Variants in MRTFB observed in about 807,000 individuals in gnomAD.
MRTFB encodes myocardin related transcription factor B, also known as myocardin-related transcription factor B.
Under a neutral mutation model 104.2 loss-of-function variants are expected in MRTFB, and 29 were observed. The ratio of observed to expected loss-of-function variants is 0.28; its 90% CI spans 0.21 to 0.38. The LOEUF (loss-of-function observed/expected upper bound fraction) is 0.38, where lower values mean the gene tolerates loss of function less well. Among genes scored for constraint, MRTFB ranks in the 10% least tolerant of loss-of-function variants. MRTFB has a pLI of 1.00. For synonymous variants in MRTFB, 535 were observed against 519.5 expected (o/e 1.03, Z -0.41); for missense variants, 1,270 against 1,341.6 (o/e 0.95, Z 0.83).
intron 2 of MRTFB, among the ~76,000 whole-genome samples, chr16:14,123,894 C>G (rs2036975051): frequency 6.6e-6 from 1 of 152,198 alleles, no homozygotes. Context: ...TTCTTCCTAT[C>G]CATGAGCATG....
chr16:14,058,424 TCTTCCTCATGAGCCGGGCAATGTACC>T, the MRTFB span, among the ~76,000 whole-genome samples: 622 of 129,474 alleles, frequency 4.8e-3, 1 homozygote, highest in South Asian at 8.8e-3. Context: ...TTAGTCCAAT[TCTTCCTCATGAGCCGGGCAATGTACC>T]CAAGTTTGTT....
intron 3 of MRTFB, among the ~76,000 whole-genome samples, chr16:14,194,844 G>C (rs1302695955): frequency 1.3e-5 from 2 of 151,958 alleles, no homozygotes; most frequent in East Asian, 3.8e-4. Flanking sequence ...GCCATGTAGG[G>C]TTGTTATGAG....
intron 3 of MRTFB, among the ~76,000 whole-genome samples, chr16:14,161,427 G>A (rs1202329035): frequency 7.2e-5 from 11 of 152,078 alleles, no homozygotes; most frequent in African/African-American, 2.7e-4. Flanking sequence ...ATGTCCTGTG[G>A]AAAGAAATTC....
chr16:14,206,620 C>T (rs1252014069), intron 3 of MRTFB, among the ~76,000 whole-genome samples: 4 of 152,186 alleles, frequency 2.6e-5, no homozygotes, highest in African/African-American at 9.7e-5. Context: ...TGCAATGGCA[C>T]GATCTCGGCT....
intron 3 of MRTFB, among the ~76,000 whole-genome samples, chr16:14,145,836 A>G (rs550895725): frequency 4.2e-4 from 64 of 152,366 alleles, no homozygotes; most frequent in Non-Finnish European, 7.8e-4. Context: ...AGTCAAAGGA[A>G]TAGGACGTTA....
intron 3 of MRTFB, among the ~76,000 whole-genome samples, chr16:14,206,568 TTTG>T (rs926110872): frequency 2.6e-5 from 4 of 152,220 alleles, no homozygotes; most frequent in African/African-American, 9.7e-5. Context: ...ATTGTGTGTT[TTTG>T]TTTTGAGACA....
rs142431265 is a variant in MRTFB at position 14,247,704 on chromosome 16, G to A, written c.2247+197G>A. On this transcript the variant is annotated intron_variant, in intron 12 of 16. Coordinates refer to ENST00000571589, the MANE Select transcript of MRTFB (RefSeq NM_001308142.2). ...TTTTTATATAGTGAAAAAAACACAG[G>A]ATGCTTTTCTAGTCCTGTTACCTTT... 1.1e-3 allele frequency: 633 copies of A among 591,634 alleles called. 3 individuals are homozygous for A. Among genetic ancestry groups the A allele is most frequent in the African/African-American group, 1.0e-2 (539 of 53,950 alleles). The allele number at this position is 591,634 out of a possible 1,614,324, so 36.6% of individuals were successfully genotyped here.
At chr16:14,019,829 C>A in the MRTFB span, among the ~76,000 whole-genome samples, 1 of 151,918 alleles carries the variant, frequency 6.6e-6, no homozygotes, top group South Asian at 2.1e-4. Flanking sequence ...ATTATAGATC[C>A]AAAAAAGGCT....
intron 2 of MRTFB, among the ~76,000 whole-genome samples, chr16:14,129,850 A>G (rs2037348648): frequency 6.6e-6 from 1 of 151,946 alleles, no homozygotes; most frequent in South Asian, 2.1e-4. Context: ...GTTTTTTGAG[A>G]TGGAGTTTCG....
At chr16:14,251,308 C>T (rs1266117800) in intron 13 of MRTFB, among the ~76,000 whole-genome samples, 14 of 134,722 alleles carry the variant, frequency 1.0e-4, no homozygotes, top group Admixed American at 5.8e-4. Context: ...ACCTGGGAGG[C>T]GGAGCTTGCA....
chr16:14,258,844 A>T (rs1459127633), intron 16 of MRTFB, among the ~76,000 whole-genome samples: 1 of 152,262 alleles, frequency 6.6e-6, no homozygotes, highest in South Asian at 2.1e-4. Flanking sequence ...TTAAAAAGAG[A>T]CATTAGCCAC....
chr16:14,255,932 A>T (rs1219747332), intron 15 of MRTFB, among the ~76,000 whole-genome samples: 26 of 151,932 alleles, frequency 1.7e-4, no homozygotes, highest in Admixed American at 1.7e-3. Context: ...GGGCAACATG[A>T]TAAAACCCCA....
chr16:14,146,586 TA>T (rs1449873861), intron 3 of MRTFB, among the ~76,000 whole-genome samples: 3 of 152,188 alleles, frequency 2.0e-5, no homozygotes, highest in African/African-American at 7.2e-5. Flanking sequence ...ATACATGTAT[TA>T]ATATATTTGC....
intron 9 of MRTFB, among the ~76,000 whole-genome samples, chr16:14,234,784 G>GA (rs1439957544): frequency 6.6e-6 from 1 of 152,082 alleles, no homozygotes; most frequent in Non-Finnish European, 1.5e-5. Flanking sequence ...GACAGAGCAA[G>GA]ACCCTGTCTC....
the MRTFB span, among the ~76,000 whole-genome samples, chr16:14,016,372 A>AT: frequency 1.9e-4 from 29 of 150,934 alleles, no homozygotes; most frequent in Admixed American, 1.3e-3. Flanking sequence ...TTTAAATATG[A>AT]TTTTTTTTAG....
chr16:14,172,627 C>T (rs758999211), intron 3 of MRTFB, among the ~76,000 whole-genome samples: 4 of 152,078 alleles, frequency 2.6e-5, no homozygotes, highest in East Asian at 1.9e-4. Flanking sequence ...TGCATCACTT[C>T]GCATTCCAAC....
At chr16:14,115,314 A>G (rs759357461) in intron 2 of MRTFB, among the ~76,000 whole-genome samples, 5 of 152,190 alleles carry the variant, frequency 3.3e-5, no homozygotes, top group Non-Finnish European at 7.3e-5. Flanking sequence ...ATTTCCCCAA[A>G]TCCTACTACT....
intron 3 of MRTFB, chr16:14,186,629 T>A: frequency 9.0e-7 from 1 of 1,116,132 alleles, no homozygotes; most frequent in Non-Finnish European, 1.1e-6. Context: ...GGGGGCTGGC[T>A]GGGAAAAGGG....
chr16:14,200,661 A>G (rs1000733026), intron 3 of MRTFB: 11 of 1,558,044 alleles, frequency 7.1e-6, no homozygotes, highest in East Asian at 2.2e-5. Context: ...GGAAAGAGCC[A>G]CTGGGTGTTT....
Sources: gnomAD v4.1 joint callset for allele counts (sites outside exome capture counted in the v4.1 genomes callset) on GRCh38, gnomAD v4.1.1 for gene constraint, MANE v1.5 for transcripts, NCBI Gene and HGNC (gene_info 2026-07-23, HGNC 2026-07-21) for gene names.